The following ADAMTS2 variants were observed in gnomAD, a reference collection of about 807,000 sequenced individuals.
ADAMTS2 encodes the protein ADAM metallopeptidase with thrombospondin type 1 motif 2, also known as A disintegrin and metalloproteinase with thrombospondin motifs 2.
Under a neutral mutation model 123.0 loss-of-function variants are expected in ADAMTS2, and 50 were observed. That is an observed-to-expected ratio of 0.41 (90% CI 0.32 to 0.51). The LOEUF is 0.51. Ranked by LOEUF, ADAMTS2 falls within the 20% of genes least tolerant of loss-of-function variation. The probability of loss-of-function intolerance (pLI) is 0.35; values close to 1 mark genes in which losing one functional copy is unlikely to be tolerated. For missense variants in ADAMTS2, 1,494 were observed against 1,705.2 expected, an observed-to-expected ratio of 0.88 and a Z score of 2.18; for synonymous variants, 678 against 695.4, an observed-to-expected ratio of 0.98 and a Z score of 0.39.
intron 2 of ADAMTS2, among the ~76,000 whole-genome samples, chr5:179,292,336 A>ACC (rs10682376): frequency 0.33 from 48,793 of 148,892 alleles, 8,329 homozygotes; most frequent in Non-Finnish European, 0.38. Context: ...CTTTGCTATT[A>ACC]CCCCCCAGCT....
chr5:179,336,186 G>A (rs1192084591), intron 2 of ADAMTS2, among the ~76,000 whole-genome samples: 2 of 152,166 alleles, frequency 1.3e-5, no homozygotes, highest in Admixed American at 6.5e-5. Context: ...CCTGGCCCCC[G>A]CCTCCTGGGC....
intron 2 of ADAMTS2, among the ~76,000 whole-genome samples, chr5:179,280,391 A>T (rs1014170449): frequency 6.6e-6 from 1 of 152,148 alleles, no homozygotes; most frequent in African/African-American, 2.4e-5. Flanking sequence ...GCCCCCTTGC[A>T]GGCCCCCAGT....
At chr5:179,238,387 G>A (rs575380797) in intron 3 of ADAMTS2, among the ~76,000 whole-genome samples, 19 of 152,196 alleles carry the variant, frequency 1.2e-4, no homozygotes, top group East Asian at 3.9e-4. Flanking sequence ...GAGCGGCCAC[G>A]CTAGCAGAAG....
rs1439791689 is a variant in ADAMTS2 at position 179,118,206 on chromosome 5, T to G, written c.3178+3455A>C. ...CTGGCCAAGAGATTGACTATGCAAA[T>G]AGCCTAGGAAAATTTCAAAATAGCC... is the stretch of plus-strand genomic sequence containing the variant. On this transcript the variant is annotated intron_variant, in intron 21 of 21. Coordinates refer to ENST00000251582, the MANE Select transcript of ADAMTS2 (RefSeq NM_014244.5). The surrounding 1 kb of genome is among the most constrained non-coding windows in gnomAD (Gnocchi z 4.5). Among the ~76,000 whole-genome samples the G allele has an allele frequency of 6.6e-6, 1 of 152,146 alleles. No individual in the cohort carries two copies.
rs770094463 is a variant in ADAMTS2 at position 179,140,799 on chromosome 5, C to CTTTTTTTTTTTTTTT, written c.1630-779_1630-765dup. On this transcript the variant is annotated intron_variant, in intron 10 of 21. Coordinates refer to ENST00000251582, the MANE Select transcript of ADAMTS2 (RefSeq NM_014244.5). ...TTTCCTTCAGTTCCGACTGCATGCT[C>CTTTTTTTTTTTTTTT]TTTTTTTTTTTTTTTTTTTGAGACA... Among the ~76,000 whole-genome samples, 449 of 90,436 alleles carry CTTTTTTTTTTTTTTT rather than the reference C, an allele frequency of 5.0e-3. 54 individuals carry two copies. Among genetic ancestry groups the CTTTTTTTTTTTTTTT allele is most frequent in the African/African-American group, 0.016 (353 of 22,624 alleles). 59.3% of individuals were successfully genotyped at this position (90,436 alleles called of 152,430 possible). A position where few individuals can be genotyped will look rare whatever the true frequency, so the allele number is the denominator to read the frequency against.
At position 179,168,143 on chromosome 5, in the gene ADAMTS2, C is replaced by T. The variant is rs112386178; in HGVS notation, c.976-9264G>A. Among the ~76,000 whole-genome samples the T allele has an allele frequency of 1.4e-4, 22 of 152,308 alleles. 1 individual carries two copies. In the South Asian group the frequency reaches 2.9e-3, roughly 20 times the overall value. Reference sequence around the variant, plus strand: ...GCCAGATAATTCCTGTTGGGTGAGGCGGGCACCCTGTTCATGGCAGGATGT... The same window carrying T: ...GCCAGATAATTCCTGTTGGGTGAGGTGGGCACCCTGTTCATGGCAGGATGT... On this transcript the variant is annotated intron_variant, in intron 5 of 21. Coordinates refer to ENST00000251582, the MANE Select transcript of ADAMTS2 (RefSeq NM_014244.5).
rs561511249 is a variant in ADAMTS2, at chr5:179,115,226, C to T, written c.3179-902G>A. Among the ~76,000 whole-genome samples, 14 of 152,260 alleles carry T rather than the reference C, an allele frequency of 9.2e-5. No homozygotes were observed. The highest frequency in any genetic ancestry group is 3.4e-4 in the African/African-American group (14 of 41,548). Reference sequence around the variant, plus strand: ...CAGCCATCTTCTCCCTGGCCCATCTCGACCTCTGTCTGCGGCTATGTTCAT... The same window carrying T: ...CAGCCATCTTCTCCCTGGCCCATCTTGACCTCTGTCTGCGGCTATGTTCAT... On this transcript the variant is annotated intron_variant, in intron 21 of 21. Coordinates refer to ENST00000251582, the MANE Select transcript of ADAMTS2 (RefSeq NM_014244.5). The surrounding 1 kb of genome is among the most constrained non-coding windows in gnomAD (Gnocchi z 4.4).
intron 3 of ADAMTS2, among the ~76,000 whole-genome samples, chr5:179,237,381 T>C (rs994264965): frequency 1.3e-5 from 2 of 152,180 alleles, no homozygotes; most frequent in African/African-American, 4.8e-5. Context: ...AACCAGAAGG[T>C]AGGCCCTCAG....
At chr5:179,326,201 C>CGTGTGTGTGTGT (rs60626964) in intron 2 of ADAMTS2, among the ~76,000 whole-genome samples, 69 of 148,702 alleles carry the variant, frequency 4.6e-4, no homozygotes, top group South Asian at 1.5e-3. Flanking sequence ...TTTGTGTGTG[C>CGTGTGTGTGTGT]GTGTGTGTGT....
chr5:179,258,161 C>G (rs1766116836), intron 3 of ADAMTS2, among the ~76,000 whole-genome samples: 1 of 152,184 alleles, frequency 6.6e-6, no homozygotes, highest in Non-Finnish European at 1.5e-5. Context: ...CTCCAGAGCC[C>G]TCTGCACACG....
chr5:179,223,573 C>T (rs546648769), intron 3 of ADAMTS2, among the ~76,000 whole-genome samples: 111 of 151,508 alleles, frequency 7.3e-4, no homozygotes, highest in African/African-American at 2.6e-3. Context: ...CGCGAATGCA[C>T]TCGCACACGC....
chr5:179,177,770 AAAAG>A (rs1423048752), intron 5 of ADAMTS2, among the ~76,000 whole-genome samples: 1 of 152,204 alleles, frequency 6.6e-6, no homozygotes, highest in Non-Finnish European at 1.5e-5. Flanking sequence ...AAAAAAAAGA[AAAAG>A]AAAAAGAAAA....
At chr5:179,250,063 T>C (rs1341004167) in intron 3 of ADAMTS2, among the ~76,000 whole-genome samples, 2 of 152,158 alleles carry the variant, frequency 1.3e-5, no homozygotes, top group Non-Finnish European at 2.9e-5. Context: ...TATAATATAC[T>C]ACATTCATAA....
rs994607453 is a variant in ADAMTS2, at chr5:179,343,943, G to C, written c.358C>G (p.Leu120Val). Residue 120 changes from leucine (L) to valine (V), a missense_variant, in exon 2 of 22, where the codon CTG becomes GTG. Physicochemically the swap from Leu to Val is conservative, Grantham distance 32. This residue lies in a region of ADAMTS2 where 237 missense variants were observed against 233.7 expected (regional missense o/e 1.01). Coordinates refer to ENST00000251582, the MANE Select transcript of ADAMTS2 (RefSeq NM_014244.5). ...GCGTTGGGCCGCAGCCGCAGGTGCA[G>C]GTCTCGGCCAAAGACCGTGACATTG... is the stretch of plus-strand genomic sequence containing the variant. ...FYNVTVFGRD[L>V]HLRLRPNARL... The C allele has an allele frequency of 6.2e-7, 1 of 1,611,180 alleles. No individual in the cohort carries two copies. The highest frequency in any genetic ancestry group is 8.5e-7 in the Non-Finnish European group (1 of 1,179,460).
rs1763601982 is a variant in ADAMTS2, at chr5:179,162,126, G to T, written c.976-3247C>A. 1.3e-5 allele frequency among the ~76,000 whole-genome samples: 2 copies of T among 152,150 alleles called. No homozygotes were observed. The highest frequency in any genetic ancestry group is 4.8e-5 in the African/African-American group (2 of 41,426). On this transcript the variant is annotated intron_variant, in intron 5 of 21. Coordinates refer to ENST00000251582, the MANE Select transcript of ADAMTS2 (RefSeq NM_014244.5). This position sits in a 1 kb window ranked among gnomAD's most constrained non-coding sequence, Gnocchi z 5.1. Reference sequence around the variant, plus strand: ...CCAAGATGAACTCACCTGCCCTCAGGGTCCTAAGCCCCATGTAGTGGGACG... The same window carrying T: ...CCAAGATGAACTCACCTGCCCTCAGTGTCCTAAGCCCCATGTAGTGGGACG...
At position 179,117,869 on chromosome 5, in the gene ADAMTS2, A is replaced by G. The variant is rs1489498349; in HGVS notation, c.3179-3545T>C. 6.6e-6 allele frequency among the ~76,000 whole-genome samples: 1 copy of G among 152,170 alleles called. No homozygotes were observed. The highest frequency in any genetic ancestry group is 2.4e-5 in the African/African-American group (1 of 41,462). ...TCTTATCTGTGGCTGCTTTCCCACT[A>G]TAAAGGCAGAGCTGAGTCCTGTGAC... On this transcript the variant is annotated intron_variant, in intron 21 of 21. Transcript: ENST00000251582. The surrounding 1 kb of genome is among the most constrained non-coding windows in gnomAD (Gnocchi z 4.2).
intron 9 of ADAMTS2, among the ~76,000 whole-genome samples, 163 bp downstream of exon 9, chr5:179,153,328 G>A (rs1002656409): frequency 6.6e-6 from 1 of 152,164 alleles, no homozygotes; most frequent in African/African-American, 2.4e-5. Flanking sequence ...GGGTGCCTAG[G>A]GGGTGGGGAG....
chr5:179,287,498 CAG>C (rs1041970105), intron 2 of ADAMTS2, among the ~76,000 whole-genome samples: 5 of 152,226 alleles, frequency 3.3e-5, no homozygotes, highest in Admixed American at 1.3e-4. Context: ...CACATTCCTG[CAG>C]AGAGGCTGGC....
chr5:179,157,032 C>T (rs1348290928), intron 6 of ADAMTS2, among the ~76,000 whole-genome samples: 2 of 143,878 alleles, frequency 1.4e-5, no homozygotes, highest in Non-Finnish European at 3.0e-5. Flanking sequence ...GGCACAATCT[C>T]GGCTCACTGC....
Sources: gnomAD v4.1 joint callset for allele counts (sites outside exome capture counted in the v4.1 genomes callset) on GRCh38, gnomAD v4.1.1 for gene constraint, gnomAD v4.1.1 regional missense constraint, Gnocchi (gnomAD v3.1) non-coding constraint, MANE v1.5 for transcripts, NCBI Gene and HGNC (gene_info 2026-07-23, HGNC 2026-07-21) for gene names.